ATP13A1: variants seen among roughly 807,000 people sequenced by gnomAD.
ATP13A1 encodes the protein endoplasmic reticulum transmembrane helix translocase.
In ATP13A1, 55 loss-of-function variants were observed where a neutral mutation model predicts 134.8. The observed-to-expected ratio is 0.41, with a 90% CI of 0.33 to 0.51. ATP13A1 has a LOEUF of 0.51. Among genes scored for constraint, ATP13A1 ranks in the 20% least tolerant of loss-of-function variants. The pLI is 0.29. For synonymous variants in ATP13A1, 775 were observed against 725.1 expected, an observed-to-expected ratio of 1.07 and a Z score of -1.10; for missense variants, 1,389 against 1,652.8, an observed-to-expected ratio of 0.84 and a Z score of 2.77.
At position 19,651,839 on chromosome 19, in the gene ATP13A1, G is replaced by A. The variant is rs370083097; in HGVS notation, c.2227-42C>T. The stretch of plus-strand genomic sequence containing the variant: ...CAGAGGCTCAGCATGGCACCCTGGG[G>A]CCAAGCTCTAGGCCAGAGACAAGGC... On this transcript the variant is annotated intron_variant, in intron 16 of 25. Coordinates refer to ENST00000357324, the MANE Select transcript of ATP13A1 (RefSeq NM_020410.3). 2.7e-6 allele frequency: 4 copies of A among 1,507,462 alleles called. No individual in the cohort carries two copies. The African/African-American group carries it at 4.2e-5, about 16-fold the overall frequency. The allele number at this position is 1,507,462 out of a possible 1,614,324, so 93.4% of individuals were successfully genotyped here. A position where few individuals can be genotyped will look rare whatever the true frequency, so the allele number is the denominator to read the frequency against.
rs2062056519 is a variant in ATP13A1 at position 19,656,165 on chromosome 19, T to G, written c.1102A>C (p.Ser368Arg). 1 of 1,611,050 alleles carries G rather than the reference T, an allele frequency of 6.2e-7. No homozygotes were observed. Among genetic ancestry groups the G allele is most frequent in the East Asian group, 2.2e-5 (1 of 44,820 alleles). Residue 368 changes from serine (S) to arginine (R), a missense_variant, in exon 8 of 26, where the codon AGC becomes CGC. By Grantham distance (110) the Ser-to-Arg change is moderately radical. Transcript: ENST00000357324. This position sits in a 1 kb window ranked among gnomAD's most constrained non-coding sequence, Gnocchi z 4.6. ...PQMKEPIEDLSPDRVLDLQAD... is the reference protein window; with the variant it reads ...PQMKEPIEDLRPDRVLDLQAD... ...TGGAGGTCCAGCACCCGGTCTGGGC[T>G]GAGGTCTTCGATGGGCTCCTGGGGA...
chr19:19,657,154 G>C lies in ATP13A1; in HGVS notation c.751-5C>G. 1.3e-6 allele frequency: 2 copies of C among 1,503,126 alleles called. No homozygotes were observed. The highest frequency in any genetic ancestry group is 1.4e-5 in the South Asian group (1 of 73,178). 93.1% of individuals were successfully genotyped at this position (1,503,126 alleles called of 1,614,324 possible). A position where few individuals can be genotyped will look rare whatever the true frequency, so the allele number is the denominator to read the frequency against. ...CCAGAGCCCCACACAGAACACCTGT[G>C]GGATACCAGCCTGTCTGTCCTTGCC... is the stretch of plus-strand genomic sequence containing the variant. On this transcript the variant is annotated splice_polypyrimidine_tract_variant and splice_region_variant and intron_variant, in intron 4 of 25. Transcript: ENST00000357324.
Position 19,655,918 on chromosome 19 carries a change from C to CA in ATP13A1, c.1228dup (p.Cys410LeufsTer56). On this transcript the variant is annotated frameshift_variant, in exon 9 of 26. Coordinates refer to ENST00000357324, the MANE Select transcript of ATP13A1 (RefSeq NM_020410.3). LOFTEE classifies it high-confidence loss of function. The surrounding 1 kb of genome is among the most constrained non-coding windows in gnomAD (Gnocchi z 5.7). ...TCCGGTCCGCAGGACGTAGGCCACG[C>CA]ACCCGCTGTCAACCGCTGGGGAGAG... is the stretch of plus-strand genomic sequence containing the variant. The CA allele has an allele frequency of 6.2e-7, 1 of 1,600,424 alleles. No individual in the cohort carries two copies. Among genetic ancestry groups the CA allele is most frequent in the East Asian group, 2.2e-5 (1 of 44,668 alleles).
chr19:19,659,447 C>T (rs554399593), intron 3 of ATP13A1, among the ~76,000 whole-genome samples, 154 bp downstream of exon 3: 3 of 151,772 alleles, frequency 2.0e-5, no homozygotes, highest in Non-Finnish European at 2.9e-5. Context: ...CAGAGCGAGA[C>T]TCAGTCTCAA....
rs376339960 is a variant in ATP13A1 at position 19,659,789 on chromosome 19, G to A, written c.489C>T (p.Gly163=). The A allele has an allele frequency of 1.8e-5, 29 of 1,613,346 alleles. No individual in the cohort carries two copies. Among genetic ancestry groups the A allele is most frequent in the African/African-American group, 9.3e-5 (7 of 75,048 alleles). ...AGGACAGCACCTCAAGCCCGTCTTC[G>A]CCCTGCGGTAGAAGGTGTGTTTGCC... ...TELVALHRNE[G]EDGLEVLSFE... Residue 163 remains glycine, a splice_region_variant and synonymous_variant, in exon 3 of 26, where the codon GGC becomes GGT. Transcript: ENST00000357324.
intron 1 of ATP13A1, among the ~76,000 whole-genome samples, chr19:19,661,866 A>G (rs528673173): frequency 4.6e-5 from 7 of 152,314 alleles, no homozygotes; most frequent in African/African-American, 1.4e-4. Flanking sequence ...CAACAATCAC[A>G]TAACTACAAA....
chr19:19,647,536 G>A lies in ATP13A1; in HGVS notation c.2794-8C>T. 1 of 1,612,428 alleles carries A rather than the reference G, an allele frequency of 6.2e-7. No individual in the cohort carries two copies. Among genetic ancestry groups the A allele is most frequent in the Non-Finnish European group, 8.5e-7 (1 of 1,179,144 alleles). ...CACCTGGCTCAGGCGGTCCTGCAGG[G>A]TAGACAGCAGGCTGTCAGCCCTGGC... On this transcript the variant is annotated splice_polypyrimidine_tract_variant and splice_region_variant and intron_variant, in intron 20 of 25. Coordinates refer to ENST00000357324, the MANE Select transcript of ATP13A1 (RefSeq NM_020410.3). The surrounding 1 kb of genome is among the most constrained non-coding windows in gnomAD (Gnocchi z 4.8).
chr19:19,645,721 C>A lies in ATP13A1; in HGVS notation c.3430G>T (p.Ala1144Ser), dbSNP rs1360726682. ...LVWSLAVSLL[A>S]IIGLLLGSSP... Reference sequence around the variant, plus strand: ...GAGCCGAGGAGCAGGCCAATGATGGCCAGGAGTGAAACTGCCAGACTCCAC... The same window carrying A: ...GAGCCGAGGAGCAGGCCAATGATGGACAGGAGTGAAACTGCCAGACTCCAC... The change falls in exon 25 of 26, where the codon GCC becomes TCC. Residue 1144 changes from alanine to serine, a missense_variant. Ala to Ser is a moderately conservative substitution (Grantham distance 99). Transcript: ENST00000357324. This position sits in a 1 kb window ranked among gnomAD's most constrained non-coding sequence, Gnocchi z 4.1. 4 of 1,595,568 alleles carry A rather than the reference C, an allele frequency of 2.5e-6. No homozygotes were observed. The highest frequency in any genetic ancestry group is 3.4e-6 in the Non-Finnish European group (4 of 1,171,502).
Position 19,649,807 on chromosome 19 carries a change from GT to G in ATP13A1, c.2468del (p.Asp823AlafsTer30). On this transcript the variant is annotated frameshift_variant, in exon 18 of 26. Transcript: ENST00000357324. LOFTEE classifies it high-confidence loss of function. The stretch of plus-strand genomic sequence containing the variant: ...GGATGAGGCGGAGCAGCTGCTGGGG[GT>G]CGGTGGCCTGCAGGTGGGCCAAGCC... ...GDGLAHLQAT[D>X]PQQLLRLIPH... 1.2e-6 allele frequency: 2 copies of G among 1,602,338 alleles called. No individual in the cohort carries two copies. The highest frequency in any genetic ancestry group is 1.7e-6 in the Non-Finnish European group (2 of 1,177,120).
At chr19:19,646,952 G>T in intron 22 of ATP13A1, 177 bp downstream of exon 22, 1 of 682,104 alleles carries the variant, frequency 1.5e-6, no homozygotes, top group African/African-American at 1.8e-5. Context: ...CACCTGGAGG[G>T]GTCTGGGAGC....
rs752357108 is a variant in ATP13A1, at chr19:19,656,603, ACCTCCTGGCCTGTTT to A, written c.1083+42_1083+56del. 221 of 1,556,434 alleles carry A rather than the reference ACCTCCTGGCCTGTTT, an allele frequency of 1.4e-4. No homozygotes were observed. The highest frequency in any genetic ancestry group is 1.9e-4 in the Non-Finnish European group (213 of 1,143,902). Reference sequence around the variant, plus strand: ...GATCCCCGCCACCCCCTGGGCCTCCACCTCCTGGCCTGTTTCCTCCTGAACAGCTTGAGGATCCCC... The same window carrying A: ...GATCCCCGCCACCCCCTGGGCCTCCACCTCCTGAACAGCTTGAGGATCCCC... On this transcript the variant is annotated intron_variant, in intron 7 of 25. Transcript: ENST00000357324. This position sits in a 1 kb window ranked among gnomAD's most constrained non-coding sequence, Gnocchi z 4.6.
intron 17 of ATP13A1, 52 bp downstream of exon 17, chr19:19,651,637 T>C (rs910409269): frequency 2.0e-6 from 3 of 1,468,930 alleles, no homozygotes; most frequent in Non-Finnish European, 2.8e-6. Flanking sequence ...ATGGGAGCTG[T>C]TCTTGGACTC....
chr19:19,654,738 C>T (rs200369892), intron 12 of ATP13A1, 38 bp from the exon 13 acceptor site: 20 of 1,578,364 alleles, frequency 1.3e-5, no homozygotes, highest in South Asian at 3.4e-5. Flanking sequence ...AGAGTGCAGG[C>T]GGGTAGGGCG....
Position 19,656,111 on chromosome 19 carries a change from C to T in ATP13A1, c.1156G>A (p.Gly386Arg), listed in dbSNP as rs1439503387. 21 of 1,613,684 alleles carry T rather than the reference C, an allele frequency of 1.3e-5. No individual in the cohort carries two copies. The highest frequency in any genetic ancestry group is 1.7e-5 in the Non-Finnish European group (20 of 1,179,786). ...QADSRLHVIF[G>R]GTKVVQHIPP... ...ATGTGCTGCACCACCTTGGTGCCCC[C>T]GAAGATGACGTGCAGCCGGGAATCA... The change falls in exon 8 of 26, where the codon GGG becomes AGG. Residue 386 changes from glycine (G) to arginine (R), a missense_variant. Around this residue, in one of 4 missense-constraint regions of ATP13A1, gnomAD observed 747 missense variants for 956.1 expected, o/e 0.78. Transcript: ENST00000357324. The surrounding 1 kb of genome is among the most constrained non-coding windows in gnomAD (Gnocchi z 4.6).
At chr19:19,652,470 G>C (rs2062030939) in intron 16 of ATP13A1, 125 bp downstream of exon 16, 1 of 1,348,190 alleles carries the variant, frequency 7.4e-7, no homozygotes, top group Non-Finnish European at 1.0e-6. Flanking sequence ...CCTGAGCTAT[G>C]ATCTTGCTCA....
chr19:19,663,213 T>C, intron 1 of ATP13A1, 58 bp downstream of exon 1: 6 of 1,552,404 alleles, frequency 3.9e-6, no homozygotes, highest in Non-Finnish European at 4.4e-6. Flanking sequence ...AGGCCGCAGC[T>C]GGGACCCACG....
intron 19 of ATP13A1, among the ~76,000 whole-genome samples, chr19:19,648,792 A>G (rs1425192032): frequency 2.3e-5 from 3 of 128,124 alleles, no homozygotes; most frequent in Admixed American, 7.9e-5. Context: ...CTGGGCAACA[A>G]GAGAGAAACT....
rs773545826 is a variant in ATP13A1, at chr19:19,656,073, T to C, written c.1194A>G (p.Lys398=). 6.2e-6 allele frequency: 10 copies of C among 1,613,556 alleles called. No individual in the cohort carries two copies. The highest frequency in any genetic ancestry group is 7.6e-6 in the Non-Finnish European group (9 of 1,179,694). The stretch of plus-strand genomic sequence containing the variant: ...ACCTACGCTTCAGGCCCGTGGTGGC[T>C]TTCTGTGGGGGGATGTGCTGCACCA... ...TKVVQHIPPQ[K]ATTGLKPVDS... Residue 398 remains lysine (K), a synonymous_variant, in exon 8 of 26, where the codon AAA becomes AAG. Coordinates refer to ENST00000357324, the MANE Select transcript of ATP13A1 (RefSeq NM_020410.3). The surrounding 1 kb of genome is among the most constrained non-coding windows in gnomAD (Gnocchi z 4.6).
In ATP13A1 at chr19:19,659,611, C is replaced by T; in HGVS notation, c.667G>A (p.Gly223Arg). The stretch of plus-strand genomic sequence containing the variant: ...AAATCAAGGACTCACTTGTTGCTCC[C>T]AAATTTCTTCTCAGCTGCTCGGATC... ...SEIRAAEKKF[G>R]SNKAEMVVPD... The change falls in exon 3 of 26, where the codon GGG (glycine) becomes AGG (arginine). Residue 223 changes from glycine to arginine, a missense_variant. Physicochemically the swap from Gly to Arg is moderately radical, Grantham distance 125. This residue lies in a region of ATP13A1 where 747 missense variants were observed against 956.1 expected (regional missense o/e 0.78). Coordinates refer to ENST00000357324, the MANE Select transcript of ATP13A1 (RefSeq NM_020410.3). 2 of 1,610,050 alleles carry T rather than the reference C, an allele frequency of 1.2e-6. No homozygotes were observed. Among genetic ancestry groups the T allele is most frequent in the Non-Finnish European group, 1.7e-6 (2 of 1,176,650 alleles).
Sources: gnomAD v4.1 joint callset for allele counts (sites outside exome capture counted in the v4.1 genomes callset) on GRCh38, gnomAD v4.1.1 for gene constraint, gnomAD v4.1.1 regional missense constraint, Gnocchi (gnomAD v3.1) non-coding constraint, MANE v1.5 for transcripts, NCBI Gene and HGNC (gene_info 2026-07-23, HGNC 2026-07-21) for gene names.